SMIM35: variants seen among roughly 807,000 people sequenced by gnomAD.
The protein encoded by SMIM35 is small integral membrane protein 35.
chr11:118,015,502 G>T (rs1429324342), intron 2 of SMIM35, among the ~76,000 whole-genome samples, 191 bp downstream of exon 2: 1 of 152,094 alleles, frequency 6.6e-6, no homozygotes, highest in Non-Finnish European at 1.5e-5. Flanking sequence ...CTCGATAAAA[G>T]TACCATTGCC....
chr11:118,016,357 AAG>A (rs1337463762), intron 1 of SMIM35, among the ~76,000 whole-genome samples: 5 of 151,474 alleles, frequency 3.3e-5, no homozygotes, highest in African/African-American at 7.3e-5. Flanking sequence ...CAAACCAAGA[AAG>A]AGAGAGAGAG....
chr11:118,054,757 T>C (rs1209002749), intron 1 of SMIM35, among the ~76,000 whole-genome samples: 1 of 152,100 alleles, frequency 6.6e-6, no homozygotes, highest in Admixed American at 6.5e-5. Flanking sequence ...TAAATAAATA[T>C]GTTTTAATGA....
At chr11:118,056,171 T>C (rs1167430995) in intron 1 of SMIM35, among the ~76,000 whole-genome samples, 3 of 152,048 alleles carry the variant, frequency 2.0e-5, no homozygotes, top group African/African-American at 7.2e-5. Flanking sequence ...CGGGATTCTA[T>C]TGGCCCCTGA....
intron 1 of SMIM35, among the ~76,000 whole-genome samples, chr11:118,078,835 C>G (rs2135184658): frequency 6.6e-6 from 1 of 152,274 alleles, no homozygotes; most frequent in South Asian, 2.1e-4. Context: ...TCTCCCCTGC[C>G]CACGGAAACG....
chr11:118,052,040 G>A lies in SMIM35; in HGVS notation c.7+34711C>T, dbSNP rs143202438. ...CGCTGATGACATGAGAGGTGTGAAAGTGCCTGGCAAAGAGCGGGAACTCTT... is the reference window on the plus strand; with the variant it reads ...CGCTGATGACATGAGAGGTGTGAAAATGCCTGGCAAAGAGCGGGAACTCTT... On this transcript the variant is annotated intron_variant, in intron 1 of 4. Transcript: ENST00000689828. Among the ~76,000 whole-genome samples, 59 of 152,260 alleles carry A rather than the reference G, an allele frequency of 3.9e-4. 1 individual carries two copies. The highest frequency in any genetic ancestry group is 3.4e-3 in the Middle Eastern group (1 of 294).
At chr11:118,032,152 T>C (rs2058325284) in intron 1 of SMIM35, among the ~76,000 whole-genome samples, 1 of 152,152 alleles carries the variant, frequency 6.6e-6, no homozygotes, top group South Asian at 2.1e-4. Context: ...TGCTCCAGAC[T>C]GAAGCAGAAT....
chr11:118,061,120 C>CA (rs1284583542), intron 1 of SMIM35, among the ~76,000 whole-genome samples: 1 of 152,220 alleles, frequency 6.6e-6, no homozygotes, highest in Non-Finnish European at 1.5e-5. Context: ...CTTGCACTGC[C>CA]ACTCGTGACA....
intron 1 of SMIM35, among the ~76,000 whole-genome samples, chr11:118,086,550 T>C (rs758282072): frequency 1.2e-4 from 19 of 152,264 alleles, no homozygotes; most frequent in Non-Finnish European, 2.4e-4. Flanking sequence ...CAGCGGCATA[T>C]GGCCTGGGCT....
intron 1 of SMIM35, among the ~76,000 whole-genome samples, chr11:118,031,664 A>G (rs1359993393): frequency 7.2e-5 from 11 of 152,166 alleles, no homozygotes; most frequent in Admixed American, 7.2e-4. Context: ...TTACTGCACA[A>G]TGGCATACTT....
Position 118,021,414 on chromosome 11 carries a change from T to C in SMIM35, c.8-5605A>G, listed in dbSNP as rs575266503. On this transcript the variant is annotated intron_variant, in intron 1 of 4. Transcript: ENST00000689828. The stretch of plus-strand genomic sequence containing the variant: ...TCATCCTTAGTGTTTTAATTTGTTA[T>C]GGTGTTTTTCATTTCCATAATTTTA... Among the ~76,000 whole-genome samples, 12 of 152,308 alleles carry C rather than the reference T, an allele frequency of 7.9e-5. No homozygotes were observed. The South Asian group carries it at 2.5e-3, about 32-fold the overall frequency.
chr11:118,055,101 G>A (rs999308902), intron 1 of SMIM35, among the ~76,000 whole-genome samples: 1 of 152,086 alleles, frequency 6.6e-6, no homozygotes, highest in Non-Finnish European at 1.5e-5. Context: ...CACTGCGCCT[G>A]GCCTAATTTT....
At chr11:118,068,927 C>T (rs1039560331) in intron 1 of SMIM35, among the ~76,000 whole-genome samples, 5 of 152,312 alleles carry the variant, frequency 3.3e-5, no homozygotes, top group East Asian at 1.9e-4. Context: ...CATTATCATC[C>T]GTGGGATTTG....
In SMIM35 at chr11:118,009,423, G is replaced by A. The variant is rs78986998; in HGVS notation, c.*34-3047C>T. The stretch of plus-strand genomic sequence containing the variant: ...CCTGTGAGGCTGTGAGGATGAAGAC[G>A]CGCATCATAAGCCTCTGCCCTGCAC... On this transcript the variant is annotated intron_variant, in intron 4 of 4. Transcript: ENST00000689828. 6.4e-3 allele frequency among the ~76,000 whole-genome samples: 970 copies of A among 152,310 alleles called. 7 individuals are homozygous for A. The highest frequency in any genetic ancestry group is 9.9e-3 in the Admixed American group (152 of 15,300).
At chr11:118,055,271 T>C (rs970744250) in intron 1 of SMIM35, among the ~76,000 whole-genome samples, 7 of 152,252 alleles carry the variant, frequency 4.6e-5, no homozygotes, top group African/African-American at 1.7e-4. Flanking sequence ...AGTGGATCCC[T>C]CAAATTCCAG....
chr11:118,083,463 GC>G (rs1270356883), intron 1 of SMIM35, among the ~76,000 whole-genome samples: 1 of 152,088 alleles, frequency 6.6e-6, no homozygotes, highest in African/African-American at 2.4e-5. Flanking sequence ...AAGCCCCGGG[GC>G]CCATGAAATC....
chr11:118,055,452 C>T (rs1944295649), intron 1 of SMIM35, among the ~76,000 whole-genome samples: 1 of 152,206 alleles, frequency 6.6e-6, no homozygotes, highest in Non-Finnish European at 1.5e-5. Flanking sequence ...GGCCCTGCCA[C>T]CTCCTACCAA....
chr11:118,061,287 G>A (rs542660373), intron 1 of SMIM35, among the ~76,000 whole-genome samples: 3 of 152,360 alleles, frequency 2.0e-5, no homozygotes, highest in Non-Finnish European at 4.4e-5. Flanking sequence ...CCAGTTCTGA[G>A]AGTGTTTCCC....
At chr11:118,007,058 C>T (rs752797568) in intron 4 of SMIM35, among the ~76,000 whole-genome samples, 4 of 152,222 alleles carry the variant, frequency 2.6e-5, no homozygotes, top group Non-Finnish European at 5.9e-5. Flanking sequence ...CACACACACA[C>T]GCACACGCAC....
intron 1 of SMIM35, among the ~76,000 whole-genome samples, chr11:118,035,069 C>T (rs954962421): frequency 5.9e-5 from 9 of 151,734 alleles, no homozygotes; most frequent in African/African-American, 1.5e-4. Context: ...CTGGTGCCTC[C>T]GCCTCCTGAG....
Sources: gnomAD v4.1 joint callset for allele counts (sites outside exome capture counted in the v4.1 genomes callset) on GRCh38, gnomAD v4.1.1 for gene constraint, MANE v1.5 for transcripts, NCBI Gene and HGNC (gene_info 2026-07-23, HGNC 2026-07-21) for gene names.